Variants in PRKG1 observed in about 807,000 individuals in gnomAD.
The protein encoded by PRKG1 is protein kinase cGMP-dependent 1.
A neutral mutation model predicts 88.1 loss-of-function variants in PRKG1; 35 were observed. That is an observed-to-expected ratio of 0.40 (90% CI 0.30 to 0.53). PRKG1 has a LOEUF of 0.53. PRKG1 is among the 20% of genes least tolerant of loss of function. The pLI, the probability that PRKG1 is intolerant of heterozygous loss-of-function variation, is 0.59. For synonymous variants in PRKG1, 303 were observed against 292.5 expected (o/e 1.04, Z -0.37); for missense variants, 540 against 839.8 (o/e 0.64, Z 4.41).
At chr10:51,973,114 G>C (rs564576619) in intron 5 of PRKG1, among the ~76,000 whole-genome samples, 1 of 152,300 alleles carries the variant, frequency 6.6e-6, no homozygotes, top group East Asian at 1.9e-4. Flanking sequence ...ACAAGCTTCT[G>C]CCTAGGGGAA....
intron 3 of PRKG1, among the ~76,000 whole-genome samples, chr10:51,693,287 C>CAAAAAAA (rs762828746): frequency 5.7e-4 from 40 of 70,532 alleles, no homozygotes; most frequent in African/African-American, 8.1e-4. Context: ...GACACCACCT[C>CAAAAAAA]AAAAAAAAAA....
intron 3 of PRKG1, among the ~76,000 whole-genome samples, chr10:51,503,643 T>G (rs538977041): frequency 6.6e-6 from 1 of 152,188 alleles, no homozygotes. Flanking sequence ...GCAATACATA[T>G]GCACCTGGCT....
intron 1 of PRKG1, among the ~76,000 whole-genome samples, chr10:51,029,529 T>C (rs1843252854): frequency 6.6e-6 from 1 of 152,164 alleles, no homozygotes; most frequent in Admixed American, 6.5e-5. Context: ...TGTGATATCT[T>C]GCAGGACACA....
intron 5 of PRKG1, among the ~76,000 whole-genome samples, chr10:51,981,692 T>C (rs78942777): frequency 5.1e-4 from 78 of 152,314 alleles, no homozygotes; most frequent in African/African-American, 1.9e-3. Flanking sequence ...CTGTTAGTCT[T>C]ATGGGCTTCC....
At chr10:51,634,717 C>A (rs957333446) in intron 3 of PRKG1, among the ~76,000 whole-genome samples, 4 of 151,994 alleles carry the variant, frequency 2.6e-5, no homozygotes, top group African/African-American at 9.7e-5. Flanking sequence ...AAGAGGCTAT[C>A]AGAATACCTG....
rs558202391 is a variant in PRKG1, at chr10:51,696,912, G to C, written c.593-107673G>C. ...TCAGATTTAGGGCTTAAAGACTATTGAGAAATAGGAAGGTATTGAGAGACT... is the reference window on the plus strand; with the variant it reads ...TCAGATTTAGGGCTTAAAGACTATTCAGAAATAGGAAGGTATTGAGAGACT... On this transcript the variant is annotated intron_variant, in intron 3 of 17. Transcript: ENST00000373980. The C allele has an allele frequency of 5.3e-5, 8 of 152,160 alleles. No individual in the cohort carries two copies. The East Asian group carries it at 1.6e-3, about 30-fold the overall frequency. 9.4% of individuals were successfully genotyped at this position (152,160 alleles called of 1,614,324 possible). A position where few individuals can be genotyped will look rare whatever the true frequency, so the allele number is the denominator to read the frequency against.
At chr10:51,516,377 A>G (rs1307560044) in intron 3 of PRKG1, among the ~76,000 whole-genome samples, 4 of 151,964 alleles carry the variant, frequency 2.6e-5, no homozygotes, top group Non-Finnish European at 5.9e-5. Flanking sequence ...TAGGCACAGG[A>G]TGGGAGGTGG....
chr10:51,767,216 T>C (rs1365453688), intron 3 of PRKG1, among the ~76,000 whole-genome samples: 1 of 152,150 alleles, frequency 6.6e-6, no homozygotes, highest in African/African-American at 2.4e-5. Flanking sequence ...GATTAGAAGA[T>C]AGGCGGAGAT....
intron 5 of PRKG1, among the ~76,000 whole-genome samples, chr10:51,978,504 A>T (rs1843908962): frequency 1.4e-5 from 2 of 146,388 alleles, no homozygotes; most frequent in Admixed American, 6.9e-5. Flanking sequence ...GAAGAATGTC[A>T]TTGGTAGTTT....
intron 3 of PRKG1, among the ~76,000 whole-genome samples, chr10:51,610,641 A>G (rs1056029406): frequency 4.6e-5 from 7 of 152,172 alleles, no homozygotes; most frequent in South Asian, 4.1e-4. Context: ...ATGTCCATCA[A>G]TGATAGACTG....
intron 5 of PRKG1, among the ~76,000 whole-genome samples, chr10:51,912,005 G>A (rs1937677): frequency 0.75 from 114,158 of 152,076 alleles, 43,361 homozygotes; most frequent in African/African-American, 0.87. Context: ...ATGTGTTTCA[G>A]TGAAGGATAC....
rs1840865953 is a variant in PRKG1, at chr10:51,496,641, C to A, written c.592+28805C>A. On this transcript the variant is annotated intron_variant, in intron 3 of 17. Coordinates refer to ENST00000373980, the MANE Select transcript of PRKG1 (RefSeq NM_006258.4). ...ACTGAGTCATTGTTGATCAGAAACG[C>A]CTCAGTGTTCAGACCATTACTGATG... 2.6e-5 allele frequency among the ~76,000 whole-genome samples: 4 copies of A among 152,098 alleles called. No individual in the cohort carries two copies. The South Asian group carries it at 8.3e-4, about 31-fold the overall frequency.
chr10:51,098,280 A>C (rs1425174018), intron 1 of PRKG1, among the ~76,000 whole-genome samples: 1 of 152,166 alleles, frequency 6.6e-6, no homozygotes, highest in Non-Finnish European at 1.5e-5. Context: ...CTTCACATCT[A>C]TCAAATATGT....
intron 1 of PRKG1, among the ~76,000 whole-genome samples, chr10:51,029,395 G>A (rs901277544): frequency 4.6e-5 from 7 of 152,074 alleles, no homozygotes; most frequent in African/African-American, 1.7e-4. Context: ...TTTGAGAAAG[G>A]TCTCAGTACC....
chr10:51,614,139 G>C (rs1838984241), intron 3 of PRKG1, among the ~76,000 whole-genome samples: 1 of 151,810 alleles, frequency 6.6e-6, no homozygotes, highest in South Asian at 2.1e-4. Flanking sequence ...TTTAGATCTA[G>C]TAATATTTGC....
intron 1 of PRKG1, among the ~76,000 whole-genome samples, chr10:51,038,299 AGCAT>A (rs1843378517): frequency 6.6e-6 from 1 of 152,254 alleles, no homozygotes. Flanking sequence ...TATTACCTCA[AGCAT>A]TTATCCTTTA....
At chr10:51,804,941 A>G (rs1306981534) in intron 4 of PRKG1, among the ~76,000 whole-genome samples, 1 of 152,100 alleles carries the variant, frequency 6.6e-6, no homozygotes, top group Non-Finnish European at 1.5e-5. Context: ...GTTAAGTCAG[A>G]ACTTCAGAGT....
chr10:51,180,185 G>A (rs1412669932), intron 2 of PRKG1, among the ~76,000 whole-genome samples: 1 of 152,170 alleles, frequency 6.6e-6, no homozygotes, highest in Non-Finnish European at 1.5e-5. Flanking sequence ...ACCACTCACG[G>A]ACTGTCTCTC....
chr10:51,553,192 C>T (rs1215836525), intron 3 of PRKG1, among the ~76,000 whole-genome samples: 2 of 151,562 alleles, frequency 1.3e-5, no homozygotes, highest in Non-Finnish European at 3.0e-5. Context: ...CTTGGGATTT[C>T]ACATACTTTT....
Sources: allele counts gnomAD v4.1 joint callset (sites outside exome capture counted in the v4.1 genomes callset), GRCh38; gene constraint gnomAD v4.1.1; transcripts MANE v1.5; gene names NCBI Gene and HGNC (gene_info 2026-07-23, HGNC 2026-07-21).